PARP11: variants seen among roughly 807,000 people sequenced by gnomAD.
The protein encoded by PARP11 is poly(ADP-ribose) polymerase family member 11.
Under a neutral mutation model 42.9 loss-of-function variants are expected in PARP11, and 31 were observed. The ratio of observed to expected loss-of-function variants is 0.72; its 90% CI spans 0.54 to 0.98. The LOEUF (loss-of-function observed/expected upper bound fraction) is 0.98, where lower values mean the gene tolerates loss of function less well. PARP11 is among the 50% of genes least tolerant of loss of function. PARP11 has a pLI of 0.00. For missense variants in PARP11, 365 were observed against 413.1 expected (o/e 0.88, Z 1.01); for synonymous variants, 137 against 127.3 (o/e 1.08, Z -0.51).
rs1355806567 is a variant in PARP11 at position 3,812,582 on chromosome 12, G to A, written c.701-143C>T. 6 of 636,524 alleles carry A rather than the reference G, an allele frequency of 9.4e-6. No individual in the cohort carries two copies. The African/African-American group carries it at 1.0e-4, about 11-fold the overall frequency. 39.4% of individuals were successfully genotyped at this position (636,524 alleles called of 1,614,324 possible). A position where few individuals can be genotyped will look rare whatever the true frequency, so the allele number is the denominator to read the frequency against. On this transcript the variant is annotated intron_variant, in intron 7 of 7. Transcript: ENST00000228820. Reference sequence around the variant, plus strand: ...AATTTCCTCATCTGCAGATCTTTAAGAGAAGAATAGAAATCCATCTGTTAT... The same window carrying A: ...AATTTCCTCATCTGCAGATCTTTAAAAGAAGAATAGAAATCCATCTGTTAT...
chr12:3,857,767 T>G (rs895108994), intron 1 of PARP11, among the ~76,000 whole-genome samples: 3 of 152,230 alleles, frequency 2.0e-5, no homozygotes, highest in Non-Finnish European at 1.5e-5. Context: ...TGTTATTCCT[T>G]GACAACTGTT....
chr12:3,862,593 A>G (rs1323764094), intron 1 of PARP11, among the ~76,000 whole-genome samples: 3 of 148,890 alleles, frequency 2.0e-5, no homozygotes, highest in Non-Finnish European at 4.5e-5. Context: ...TTATTAGTAT[A>G]TTTTATATAC....
At position 3,840,769 on chromosome 12, in the gene PARP11, T is replaced by C. The variant is rs1565542318; in HGVS notation, c.19-10751A>G. 4 of 1,508,220 alleles carry C rather than the reference T, an allele frequency of 2.7e-6. No homozygotes were observed. The highest frequency in any genetic ancestry group is 1.7e-5 in the Admixed American group (1 of 59,904). 93.4% of individuals were successfully genotyped at this position (1,508,220 alleles called of 1,614,324 possible). On this transcript the variant is annotated intron_variant, in intron 1 of 7. Coordinates refer to ENST00000228820, the MANE Select transcript of PARP11 (RefSeq NM_020367.6). The surrounding 1 kb of genome is among the most constrained non-coding windows in gnomAD (Gnocchi z 4.4). ...GGATAAAAGACCCGAACCAAGCATA[T>C]TGGAGAATATTACTGATGATAAATA...
chr12:3,812,237 G>A lies in PARP11; in HGVS notation c.903C>T (p.Asp301=), dbSNP rs372428384. ...DSKYMRPPSK[D]GSYVNLYDSC... ...TGTCATATAAATTCACATAGCTCCC[G>A]TCTTTGGAAGGAGGTCGCATGTATT... Residue 301 remains aspartate (D), a synonymous_variant, in exon 8 of 8, where the codon GAC becomes GAT. Transcript: ENST00000228820. The A allele has an allele frequency of 1.4e-5, 23 of 1,614,010 alleles. No homozygotes were observed. Among genetic ancestry groups the A allele is most frequent in the East Asian group, 4.5e-5 (2 of 44,888 alleles).
intron 6 of PARP11, among the ~76,000 whole-genome samples, chr12:3,817,139 T>C (rs1393166447): frequency 1.3e-5 from 2 of 151,646 alleles, no homozygotes; most frequent in Non-Finnish European, 2.9e-5. Context: ...TGCAGTGAGC[T>C]GAGATCGCGC....
At chr12:3,847,868 G>T (rs909170650) in intron 1 of PARP11, among the ~76,000 whole-genome samples, 1 of 152,136 alleles carries the variant, frequency 6.6e-6, no homozygotes, top group Admixed American at 6.5e-5. Flanking sequence ...TGGAGAGAAA[G>T]AAGTTAAATT....
chr12:3,854,896 A>C (rs1032730621), intron 1 of PARP11, among the ~76,000 whole-genome samples: 15 of 152,224 alleles, frequency 9.9e-5, no homozygotes, highest in Admixed American at 3.9e-4. Flanking sequence ...AAATACTGGC[A>C]AACCGAATCC....
intron 1 of PARP11, among the ~76,000 whole-genome samples, chr12:3,859,340 G>A (rs1948255080): frequency 2.0e-5 from 3 of 152,090 alleles, no homozygotes; most frequent in South Asian, 4.1e-4. Context: ...CGAGGCGAGT[G>A]GATCACAAGG....
intron 1 of PARP11, among the ~76,000 whole-genome samples, chr12:3,844,094 C>G (rs1565543929): frequency 6.6e-6 from 1 of 152,188 alleles, no homozygotes; most frequent in Non-Finnish European, 1.5e-5. Context: ...CGCCACTGTA[C>G]TGTAATAATG....
chr12:3,858,305 A>T (rs776482337), intron 1 of PARP11, among the ~76,000 whole-genome samples: 2 of 152,220 alleles, frequency 1.3e-5, no homozygotes, highest in Non-Finnish European at 2.9e-5. Context: ...AGGTGATTTG[A>T]TAACAGTGAT....
At chr12:3,837,672 A>G (rs1406468125) in intron 1 of PARP11, among the ~76,000 whole-genome samples, 1 of 152,128 alleles carries the variant, frequency 6.6e-6, no homozygotes, top group Non-Finnish European at 1.5e-5. Context: ...CGAAGAAAAA[A>G]AAAAACCAAG....
chr12:3,814,636 T>C (rs1317809411), intron 6 of PARP11, among the ~76,000 whole-genome samples: 1 of 152,208 alleles, frequency 6.6e-6, no homozygotes, highest in Non-Finnish European at 1.5e-5. Flanking sequence ...GACTAAATTT[T>C]GCACCATAGG....
intron 1 of PARP11, among the ~76,000 whole-genome samples, chr12:3,839,123 G>C (rs903307037): frequency 1.3e-5 from 2 of 150,940 alleles, no homozygotes; most frequent in Non-Finnish European, 1.5e-5. Context: ...GCTCCCCTAC[G>C]CGCCCGGAGA....
intron 1 of PARP11, among the ~76,000 whole-genome samples, chr12:3,833,487 C>G (rs2138053567): frequency 6.6e-6 from 1 of 152,228 alleles, no homozygotes; most frequent in East Asian, 1.9e-4. Context: ...GCTTATAGTC[C>G]TAGCCCCTTG....
At chr12:3,832,682 T>G (rs1159362302) in intron 1 of PARP11, among the ~76,000 whole-genome samples, 1 of 152,242 alleles carries the variant, frequency 6.6e-6, no homozygotes, top group Non-Finnish European at 1.5e-5. Context: ...AACTTTAAAA[T>G]ATCGCAACCA....
At chr12:3,845,943 T>A (rs781379698) in intron 1 of PARP11, among the ~76,000 whole-genome samples, 28 of 152,214 alleles carry the variant, frequency 1.8e-4, no homozygotes, top group Non-Finnish European at 3.2e-4. Flanking sequence ...TGCATTGTGT[T>A]ACAGAGCTGA....
Position 3,814,160 on chromosome 12 carries a change from C to T in PARP11, c.577G>A (p.Gly193Ser), listed in dbSNP as rs1305679184. The change falls in exon 7 of 8, where the codon GGT becomes AGT. Residue 193 changes from glycine to serine, a missense_variant. Transcript: ENST00000228820. ...ATTTGTTCATTAATCTGAGGCACAC[C>T]TCTTTTTTTCTTGAGCTGAGCCTTT... ...RKKAQLKKKR[G>S]VPQINEQMLF... 2 of 1,603,164 alleles carry T rather than the reference C, an allele frequency of 1.2e-6. No individual in the cohort carries two copies. Among genetic ancestry groups the T allele is most frequent in the South Asian group, 2.2e-5 (2 of 89,500 alleles).
intron 6 of PARP11, among the ~76,000 whole-genome samples, chr12:3,818,819 T>C (rs1174742686): frequency 6.6e-6 from 1 of 152,222 alleles, no homozygotes; most frequent in African/African-American, 2.4e-5. Flanking sequence ...TCCCTCCAGC[T>C]TCTGTGATTA....
At chr12:3,839,107 G>A (rs1265428314) in intron 1 of PARP11, among the ~76,000 whole-genome samples, 1 of 151,744 alleles carries the variant, frequency 6.6e-6, no homozygotes, top group East Asian at 1.9e-4. Flanking sequence ...CCATGCATTA[G>A]GCAGGGCTCC....
Sources: allele counts gnomAD v4.1 joint callset (sites outside exome capture counted in the v4.1 genomes callset), GRCh38; gene constraint gnomAD v4.1.1; non-coding constraint Gnocchi (gnomAD v3.1); transcripts MANE v1.5; gene names NCBI Gene and HGNC (gene_info 2026-07-23, HGNC 2026-07-21).